CXCL13: variants seen among roughly 807,000 people sequenced by gnomAD.
CXCL13 encodes the protein C-X-C motif chemokine ligand 13.
A neutral mutation model predicts 12.2 loss-of-function variants in CXCL13; 7 were observed. The ratio of observed to expected loss-of-function variants is 0.57; its 90% CI spans 0.33 to 1.07. CXCL13 has a LOEUF of 1.07. Ranked by LOEUF, CXCL13 falls within the 50% of genes least tolerant of loss-of-function variation. The pLI is 0.04. For synonymous variants in CXCL13, 47 were observed against 42.4 expected (o/e 1.11, Z -0.42); for missense variants, 113 against 127.4 (o/e 0.89, Z 0.55).
At chr4:77,577,784 A>G (rs1422661810) in intron 1 of CXCL13, among the ~76,000 whole-genome samples, 1 of 152,170 alleles carries the variant, frequency 6.6e-6, no homozygotes, top group Non-Finnish European at 1.5e-5. Flanking sequence ...TACCTCGGGT[A>G]TTTGCTAGGA....
chr4:77,551,488 T>C (rs965764265), intron 1 of CXCL13, among the ~76,000 whole-genome samples: 7 of 152,226 alleles, frequency 4.6e-5, no homozygotes, highest in African/African-American at 1.7e-4. Flanking sequence ...CTGGGAAGTC[T>C]GCTGTTAGCC....
At chr4:77,590,606 T>TA (rs1397480995) in intron 1 of CXCL13, among the ~76,000 whole-genome samples, 1 of 152,200 alleles carries the variant, frequency 6.6e-6, no homozygotes, top group African/African-American at 2.4e-5. Context: ...CTTTTTCTGC[T>TA]CCTGTATAGA....
intron 1 of CXCL13, among the ~76,000 whole-genome samples, chr4:77,597,843 C>G (rs1264737214): frequency 6.6e-6 from 1 of 152,188 alleles, no homozygotes. Context: ...CTGCCCACCA[C>G]CAGCACCTAA....
chr4:77,565,291 C>A lies in CXCL13; in HGVS notation c.-42-40533C>A, dbSNP rs78864868. On this transcript the variant is annotated intron_variant, in intron 1 of 4. Transcript: ENST00000286758. ...CTTCAACTGGGAGAAGACGAATAAG[C>A]TGTAGGCAGATCACAGGGCTCTTGC... 4.5e-3 allele frequency among the ~76,000 whole-genome samples: 682 copies of A among 152,290 alleles called. 18 individuals are homozygous for A. The highest frequency in any genetic ancestry group is 0.027 in the East Asian group (139 of 5,186).
intron 1 of CXCL13, among the ~76,000 whole-genome samples, chr4:77,520,418 A>G (rs2110079790): frequency 6.6e-6 from 1 of 152,252 alleles, no homozygotes; most frequent in South Asian, 2.1e-4. Context: ...TTCTCCTTGA[A>G]GAGGTCCTTC....
chr4:77,522,242 C>T (rs566504110), intron 1 of CXCL13, among the ~76,000 whole-genome samples: 31 of 151,312 alleles, frequency 2.0e-4, no homozygotes, highest in South Asian at 6.3e-4. Context: ...GGTGCAGAGC[C>T]GAGTTCAATT....
intron 1 of CXCL13, among the ~76,000 whole-genome samples, chr4:77,528,556 T>G (rs1387367464): frequency 6.6e-6 from 1 of 152,232 alleles, no homozygotes; most frequent in Non-Finnish European, 1.5e-5. Flanking sequence ...TCATGTGGCT[T>G]TTGGCTGCAT....
chr4:77,593,608 G>A (rs1470474788), intron 1 of CXCL13, among the ~76,000 whole-genome samples: 4 of 152,282 alleles, frequency 2.6e-5, no homozygotes, highest in East Asian at 1.9e-4. Context: ...AAGCACTTTC[G>A]CATACCTTAA....
chr4:77,542,167 T>C (rs1725219630), intron 1 of CXCL13, among the ~76,000 whole-genome samples: 1 of 152,180 alleles, frequency 6.6e-6, no homozygotes, highest in African/African-American at 2.4e-5. Flanking sequence ...ACAGATAGTT[T>C]GACTTCTTCT....
At chr4:77,559,219 G>T (rs770750243) in intron 1 of CXCL13, among the ~76,000 whole-genome samples, 2 of 152,198 alleles carry the variant, frequency 1.3e-5, no homozygotes, top group East Asian at 3.9e-4. Context: ...TTATCAGGAG[G>T]TTCCCTTGGC....
At chr4:77,609,543 A>G (rs2109839218) in intron 2 of CXCL13, among the ~76,000 whole-genome samples, 1 of 152,176 alleles carries the variant, frequency 6.6e-6, no homozygotes, top group Non-Finnish European at 1.5e-5. Context: ...CCTGGCCTCA[A>G]GCAATCCGCC....
intron 1 of CXCL13, among the ~76,000 whole-genome samples, chr4:77,571,006 C>T (rs554105843): frequency 4.7e-4 from 71 of 152,130 alleles, no homozygotes; most frequent in Admixed American, 2.7e-3. Flanking sequence ...CCCTGCTCCA[C>T]GGTGCCCAGT....
chr4:77,564,100 A>G (rs1254664777), intron 1 of CXCL13, among the ~76,000 whole-genome samples: 3 of 152,248 alleles, frequency 2.0e-5, no homozygotes, highest in Non-Finnish European at 2.9e-5. Context: ...GGAAATTATG[A>G]ACCCGGTCCC....
chr4:77,602,515 T>C (rs1241993131), upstream of CXCL13, among the ~76,000 whole-genome samples: 2 of 152,178 alleles, frequency 1.3e-5, no homozygotes, highest in East Asian at 1.9e-4. Flanking sequence ...AGATTCTACA[T>C]TTTAAACTAG....
chr4:77,515,368 A>C (rs1420527485), intron 1 of CXCL13, among the ~76,000 whole-genome samples: 2 of 152,058 alleles, frequency 1.3e-5, no homozygotes, highest in East Asian at 3.9e-4. Context: ...CTTGATGGGG[A>C]TGGCATTGAA....
At chr4:77,536,514 T>G (rs1725061502) in intron 1 of CXCL13, among the ~76,000 whole-genome samples, 1 of 152,202 alleles carries the variant, frequency 6.6e-6, no homozygotes, top group African/African-American at 2.4e-5. Flanking sequence ...TTATCCTCTC[T>G]GTGTTTCACT....
At chr4:77,529,393 G>A (rs1283423478) in intron 1 of CXCL13, among the ~76,000 whole-genome samples, 1 of 152,050 alleles carries the variant, frequency 6.6e-6, no homozygotes, top group African/African-American at 2.4e-5. Context: ...TCACAATATT[G>A]GTTCTTCCTA....
intron 1 of CXCL13, among the ~76,000 whole-genome samples, chr4:77,515,454 T>C (rs201290170): frequency 2.0e-5 from 3 of 152,152 alleles, no homozygotes; most frequent in East Asian, 1.9e-4. Context: ...GAAGGTTCTT[T>C]CATTTGTTTG....
intron 1 of CXCL13, among the ~76,000 whole-genome samples, chr4:77,579,854 T>G (rs565518467): frequency 2.0e-5 from 3 of 152,366 alleles, no homozygotes; most frequent in African/African-American, 7.2e-5. Flanking sequence ...TCTGCTTTTT[T>G]GCCTGTTATG....
Sources: gnomAD v4.1 joint callset for allele counts (sites outside exome capture counted in the v4.1 genomes callset) on GRCh38, gnomAD v4.1.1 for gene constraint, MANE v1.5 for transcripts, NCBI Gene and HGNC (gene_info 2026-07-23, HGNC 2026-07-21) for gene names.